Variants in RLN2 observed in about 807,000 individuals in gnomAD.
The protein encoded by RLN2 is prorelaxin H2.
In RLN2, 10 loss-of-function variants were observed where a neutral mutation model predicts 7.3. That is an observed-to-expected ratio of 1.36 (90% CI 0.84 to 2.31). The LOEUF (loss-of-function observed/expected upper bound fraction) is 2.31. Among genes scored for constraint, RLN2 ranks in the 30% most tolerant of loss-of-function variants. The probability of loss-of-function intolerance (pLI) is 0.00; values close to 1 mark genes in which losing one functional copy is unlikely to be tolerated. For missense variants in RLN2, 298 were observed against 217.6 expected (o/e 1.37, Z -2.32); for synonymous variants, 103 against 82.3 (o/e 1.25, Z -1.36).
chr9:5,333,280 C>G, the RLN2 span, among the ~76,000 whole-genome samples: 2 of 151,892 alleles, frequency 1.3e-5, no homozygotes, highest in African/African-American at 4.8e-5. Context: ...CATCCTACAA[C>G]ACTGATAAAG....
chr9:5,316,814 T>C, the RLN2 span, among the ~76,000 whole-genome samples: 3 of 152,002 alleles, frequency 2.0e-5, no homozygotes, highest in Non-Finnish European at 2.9e-5. Context: ...TACCCAGTAA[T>C]AGGATTGCTG....
At chr9:5,322,819 T>A in the RLN2 span, among the ~76,000 whole-genome samples, 1 of 151,962 alleles carries the variant, frequency 6.6e-6, no homozygotes. Flanking sequence ...CGCCACATGA[T>A]GTTATAATAT....
chr9:5,305,402 C>CACACACACAGAG (rs397829533), upstream of RLN2, among the ~76,000 whole-genome samples: 67 of 112,246 alleles, frequency 6.0e-4, 1 homozygote, highest in East Asian at 2.9e-3. Flanking sequence ...CACACACACA[C>CACACACACAGAG]AGAGAGAGAG....
chr9:5,331,850 T>C, the RLN2 span, among the ~76,000 whole-genome samples: 14 of 151,958 alleles, frequency 9.2e-5, no homozygotes, highest in African/African-American at 3.4e-4. Context: ...AATAAACTGG[T>C]GCAACCTCTT....
the RLN2 span, among the ~76,000 whole-genome samples, chr9:5,323,915 A>G: frequency 3.3e-5 from 5 of 151,674 alleles, no homozygotes; most frequent in Admixed American, 2.0e-4. Flanking sequence ...AGGTGTGTTG[A>G]TATGTGCCTG....
upstream of RLN2, among the ~76,000 whole-genome samples, chr9:5,305,856 T>C (rs1816238252): frequency 6.6e-6 from 1 of 152,012 alleles, no homozygotes; most frequent in Non-Finnish European, 1.5e-5. Flanking sequence ...TTAGCATTGG[T>C]CAAATGCCAA....
the RLN2 span, among the ~76,000 whole-genome samples, chr9:5,319,019 G>C: frequency 6.6e-6 from 1 of 151,968 alleles, no homozygotes; most frequent in Non-Finnish European, 1.5e-5. Flanking sequence ...TAACCTTATA[G>C]TGAGATACAT....
the RLN2 span, among the ~76,000 whole-genome samples, chr9:5,337,306 C>A: frequency 6.6e-6 from 1 of 152,018 alleles, no homozygotes. Context: ...AGATTGTATT[C>A]AGTTTATTCA....
At chr9:5,330,964 G>T in the RLN2 span, among the ~76,000 whole-genome samples, 1 of 151,792 alleles carries the variant, frequency 6.6e-6, no homozygotes, top group South Asian at 2.1e-4. Flanking sequence ...AGAATACTAT[G>T]AACACCTCTA....
the RLN2 span, among the ~76,000 whole-genome samples, chr9:5,328,020 C>G: frequency 6.6e-6 from 1 of 151,884 alleles, no homozygotes; most frequent in Admixed American, 6.6e-5. Flanking sequence ...AGGATCACAC[C>G]TTCTCAGCAG....
At position 5,300,060 on chromosome 9, in the gene RLN2, T is replaced by G. The variant is rs1827123441; in HGVS notation, c.*38A>C. On this transcript the variant is annotated 3_prime_UTR_variant, in exon 2 of 2. Coordinates refer to ENST00000381627, the MANE Select transcript of RLN2 (RefSeq NM_134441.3). ...TCAGTGAAATGTCATTAAGAATATG[T>G]GTGAATATTATACGAGATGTGCACA... 1 of 1,263,266 alleles carries G rather than the reference T, an allele frequency of 7.9e-7. No individual in the cohort carries two copies. Among genetic ancestry groups the G allele is most frequent in the Non-Finnish European group, 1.1e-6 (1 of 893,624 alleles). 78.3% of individuals were successfully genotyped at this position (1,263,266 alleles called of 1,614,324 possible).
the RLN2 span, among the ~76,000 whole-genome samples, chr9:5,326,576 G>C: frequency 2.0e-5 from 3 of 152,032 alleles, no homozygotes; most frequent in African/African-American, 7.3e-5. Flanking sequence ...GGACAAGGAA[G>C]AGCAGGGTAT....
Position 5,304,710 on chromosome 9 carries a change from T to C in RLN2, c.-130A>G, listed in dbSNP as rs73393259. On this transcript the variant is annotated 5_prime_UTR_variant, in exon 1 of 2. Coordinates refer to ENST00000381627, the MANE Select transcript of RLN2 (RefSeq NM_134441.3). ...TGCTTTCCCTACCCGGCTCAAGCGGTCTTTTGTATCCCTTGGGCTATCACT... is the reference window on the plus strand; with the variant it reads ...TGCTTTCCCTACCCGGCTCAAGCGGCCTTTTGTATCCCTTGGGCTATCACT... The C allele has an allele frequency of 3.6e-3, 3,190 of 880,854 alleles. 103 individuals carry two copies. In the African/African-American group the frequency reaches 0.046, roughly 13 times the overall value. 54.6% of individuals were successfully genotyped at this position (880,854 alleles called of 1,614,324 possible). A position where few individuals can be genotyped will look rare whatever the true frequency, so the allele number is the denominator to read the frequency against.
At chr9:5,331,024 T>C in the RLN2 span, among the ~76,000 whole-genome samples, 4 of 152,004 alleles carry the variant, frequency 2.6e-5, no homozygotes, top group Non-Finnish European at 1.5e-5. Flanking sequence ...CCTGGACATG[T>C]ATACCCTCCC....
chr9:5,313,235 A>G, the RLN2 span, among the ~76,000 whole-genome samples: 1 of 152,038 alleles, frequency 6.6e-6, no homozygotes, highest in African/African-American at 2.4e-5. Flanking sequence ...TATTTGTGTT[A>G]TGAATATATA....
chr9:5,314,268 A>C, the RLN2 span, among the ~76,000 whole-genome samples: 6 of 151,986 alleles, frequency 3.9e-5, no homozygotes, highest in Non-Finnish European at 7.4e-5. Flanking sequence ...AACCGCCCCC[A>C]AATTGTTGCG....
the RLN2 span, among the ~76,000 whole-genome samples, chr9:5,315,176 G>C: frequency 1.3e-5 from 2 of 151,942 alleles, 1 homozygote; most frequent in South Asian, 4.1e-4. Context: ...ATAATCTTAA[G>C]GAAACTCAGA....
the RLN2 span, chr9:5,311,563 G>T: frequency 1.3e-6 from 1 of 770,700 alleles, no homozygotes; most frequent in Non-Finnish European, 2.3e-6. Flanking sequence ...CAGAGCTCAA[G>T]CCTAAAAACG....
the RLN2 span, chr9:5,335,212 G>T: frequency 4.8e-6 from 6 of 1,252,038 alleles, no homozygotes; most frequent in African/African-American, 1.5e-5. Flanking sequence ...TCAAGACTAT[G>T]TGTGAAAATT....
Sources: gnomAD v4.1 joint callset for allele counts (sites outside exome capture counted in the v4.1 genomes callset) on GRCh38, gnomAD v4.1.1 for gene constraint, MANE v1.5 for transcripts, NCBI Gene and HGNC (gene_info 2026-07-23, HGNC 2026-07-21) for gene names.